KCTD16: variants seen among roughly 807,000 people sequenced by gnomAD.
KCTD16 encodes potassium channel tetramerization domain containing 16, also known as BTB/POZ domain-containing protein KCTD16.
Under a neutral mutation model 33.2 loss-of-function variants are expected in KCTD16, and 13 were observed. The observed-to-expected ratio is 0.39, with a 90% confidence interval of 0.25 to 0.62. The LOEUF is 0.62. Ranked by LOEUF, KCTD16 falls within the 20% of genes least tolerant of loss-of-function variation. The probability of loss-of-function intolerance (pLI) is 0.50; values close to 1 mark genes in which losing one functional copy is unlikely to be tolerated. For synonymous variants in KCTD16, 197 were observed against 195.3 expected (o/e 1.01, Z -0.07); for missense variants, 441 against 525.1 (o/e 0.84, Z 1.57).
chr5:144,291,137 A>C (rs1046738830), intron 3 of KCTD16, among the ~76,000 whole-genome samples: 2 of 152,174 alleles, frequency 1.3e-5, no homozygotes, highest in African/African-American at 4.8e-5. Context: ...TGGTGCCCTG[A>C]GCTGATGGAG....
chr5:144,265,483 G>T (rs572633772), intron 3 of KCTD16, among the ~76,000 whole-genome samples: 2 of 152,180 alleles, frequency 1.3e-5, no homozygotes, highest in Non-Finnish European at 2.9e-5. Context: ...ACACACTGAA[G>T]TTAAGGAAAC....
At chr5:144,334,943 A>T (rs968903658) in intron 3 of KCTD16, among the ~76,000 whole-genome samples, 20 of 149,850 alleles carry the variant, frequency 1.3e-4, no homozygotes, top group African/African-American at 4.2e-4. Flanking sequence ...CACCTGGCTA[A>T]TTTTTTTTTT....
Position 144,206,375 on chromosome 5 carries a change from C to A in KCTD16, c.-326-14C>A. 4.8e-6 allele frequency: 1 copy of A among 206,854 alleles called. No individual in the cohort carries two copies. The highest frequency in any genetic ancestry group is 9.6e-6 in the Non-Finnish European group (1 of 103,868). The allele number at this position is 206,854 out of a possible 1,614,324, so 12.8% of individuals were successfully genotyped here. A position where few individuals can be genotyped will look rare whatever the true frequency, so the allele number is the denominator to read the frequency against. ...TCCAGGTTTGAGGAAATAATTTTTT[C>A]TCTTTTCCTTCAGACGGACATCTGA... On this transcript the variant is annotated splice_polypyrimidine_tract_variant and intron_variant, in intron 2 of 3. Coordinates refer to ENST00000512467, the MANE Select transcript of KCTD16 (RefSeq NM_020768.4).
chr5:144,396,912 T>TTATATATATATA (rs200508365), intron 3 of KCTD16, among the ~76,000 whole-genome samples: 2 of 141,058 alleles, frequency 1.4e-5, no homozygotes, highest in African/African-American at 5.2e-5. Context: ...ACTTTATTTA[T>TTATATATATATA]TATATATATA....
At chr5:144,349,151 C>A (rs1249924631) in intron 3 of KCTD16, among the ~76,000 whole-genome samples, 3 of 152,130 alleles carry the variant, frequency 2.0e-5, no homozygotes, top group Non-Finnish European at 4.4e-5. Context: ...TTTTATACAT[C>A]TCTCCTAATT....
chr5:144,372,291 C>G (rs1400836139), intron 3 of KCTD16, among the ~76,000 whole-genome samples: 1 of 151,676 alleles, frequency 6.6e-6, no homozygotes, highest in Non-Finnish European at 1.5e-5. Flanking sequence ...AAATGTATAC[C>G]CTATGGTGGT....
At chr5:144,434,557 T>C (rs1397252236) in intron 3 of KCTD16, among the ~76,000 whole-genome samples, 1 of 152,142 alleles carries the variant, frequency 6.6e-6, no homozygotes, top group African/African-American at 2.4e-5. Context: ...ATAGTTACCA[T>C]GTTTTTCCAT....
At chr5:144,242,473 G>A (rs941511565) in intron 3 of KCTD16, among the ~76,000 whole-genome samples, 4 of 151,904 alleles carry the variant, frequency 2.6e-5, no homozygotes, top group African/African-American at 9.7e-5. Context: ...TTTATTCTAT[G>A]TGCATTTTAT....
intron 3 of KCTD16, among the ~76,000 whole-genome samples, chr5:144,345,853 A>C (rs1752784881): frequency 6.6e-6 from 1 of 152,152 alleles, no homozygotes; most frequent in Non-Finnish European, 1.5e-5. Context: ...AGTTACAAAC[A>C]ATCTGATTAT....
chr5:144,427,035 T>A lies in KCTD16; in HGVS notation c.833-46625T>A, dbSNP rs565669814. On this transcript the variant is annotated intron_variant, in intron 3 of 3. Coordinates refer to ENST00000512467, the MANE Select transcript of KCTD16 (RefSeq NM_020768.4). ...CACTTTAGGTCTTTCGTATTCTCTGTTCCCTCTTCCTGGAACACTTTGGCC... is the reference window on the plus strand; with the variant it reads ...CACTTTAGGTCTTTCGTATTCTCTGATCCCTCTTCCTGGAACACTTTGGCC... Among the ~76,000 whole-genome samples, 4 of 152,272 alleles carry A rather than the reference T, an allele frequency of 2.6e-5. No homozygotes were observed. In the East Asian group the frequency reaches 7.7e-4, roughly 29 times the overall value.
intron 3 of KCTD16, among the ~76,000 whole-genome samples, chr5:144,278,590 C>T (rs1158281300): frequency 1.3e-5 from 2 of 149,866 alleles, no homozygotes; most frequent in Admixed American, 6.7e-5. Flanking sequence ...CTCCGCTTCC[C>T]GGATTCACGC....
chr5:144,351,674 T>G (rs749411132), intron 3 of KCTD16, among the ~76,000 whole-genome samples: 1 of 152,064 alleles, frequency 6.6e-6, no homozygotes, highest in Non-Finnish European at 1.5e-5. Context: ...AATGAATAAA[T>G]AAAGAAAATG....
chr5:144,349,159 A>T (rs1432296269), intron 3 of KCTD16, among the ~76,000 whole-genome samples: 1 of 152,118 alleles, frequency 6.6e-6, no homozygotes, highest in Non-Finnish European at 1.5e-5. Flanking sequence ...ATCTCTCCTA[A>T]TTCTTTCATA....
chr5:144,271,395 G>GA (rs1253937465), intron 3 of KCTD16, among the ~76,000 whole-genome samples: 3 of 151,636 alleles, frequency 2.0e-5, no homozygotes, highest in African/African-American at 4.8e-5. Flanking sequence ...TAGAATGAAG[G>GA]AAAAAAGCAC....
intron 3 of KCTD16, among the ~76,000 whole-genome samples, chr5:144,303,489 CAAGAGCA>C (rs528281635): frequency 5.3e-5 from 8 of 152,214 alleles, no homozygotes; most frequent in Admixed American, 3.9e-4. Context: ...TTTTGTGTGG[CAAGAGCA>C]ATGGAAATGA....
intron 3 of KCTD16, among the ~76,000 whole-genome samples, chr5:144,224,792 C>G (rs1173444726): frequency 6.6e-6 from 1 of 152,148 alleles, no homozygotes; most frequent in Non-Finnish European, 1.5e-5. Flanking sequence ...ATAATCATAG[C>G]TATCCTTACT....
At chr5:144,325,133 G>A (rs1333045904) in intron 3 of KCTD16, among the ~76,000 whole-genome samples, 1 of 152,198 alleles carries the variant, frequency 6.6e-6, no homozygotes, top group East Asian at 1.9e-4. Flanking sequence ...GGCAACGAAA[G>A]AGTTTTATAG....
chr5:144,308,237 C>G (rs1751660358), intron 3 of KCTD16, among the ~76,000 whole-genome samples: 1 of 152,196 alleles, frequency 6.6e-6, no homozygotes, highest in South Asian at 2.1e-4. Flanking sequence ...GCAGCCCACT[C>G]CTGTTAGTAC....
At chr5:144,206,169 GA>G (rs2126788934) in intron 2 of KCTD16, 1 of 152,918 alleles carries the variant, frequency 6.5e-6, no homozygotes, top group South Asian at 2.1e-4. Flanking sequence ...AATTGCTGGA[GA>G]CAGAGGCTTA....
Sources: gnomAD v4.1 joint callset for allele counts (sites outside exome capture counted in the v4.1 genomes callset) on GRCh38, gnomAD v4.1.1 for gene constraint, MANE v1.5 for transcripts, NCBI Gene and HGNC (gene_info 2026-07-23, HGNC 2026-07-21) for gene names.